ADAMTSL1: variants seen among roughly 807,000 people sequenced by gnomAD.
The protein encoded by ADAMTSL1 is ADAMTS-like protein 1.
A neutral mutation model predicts 201.8 loss-of-function variants in ADAMTSL1; 126 were observed. The ratio of observed to expected loss-of-function variants is 0.62; its 90% CI spans 0.54 to 0.72. The LOEUF (loss-of-function observed/expected upper bound fraction) is 0.72. ADAMTSL1 is among the 30% of genes least tolerant of loss of function. ADAMTSL1 has a pLI of 0.00. For synonymous variants in ADAMTSL1, 1,121 were observed against 903.4 expected, an observed-to-expected ratio of 1.24 and a Z score of -4.32; for missense variants, 2,679 against 2,277.8, an observed-to-expected ratio of 1.18 and a Z score of -3.59.
intron 1 of ADAMTSL1, among the ~76,000 whole-genome samples, chr9:18,475,540 T>G (rs1821405618): frequency 6.6e-6 from 1 of 152,210 alleles, no homozygotes; most frequent in Admixed American, 6.5e-5. Flanking sequence ...AGAAATAAAT[T>G]TTTAATTTTT....
chr9:18,139,509 A>C (rs1484852254), intron 1 of ADAMTSL1, among the ~76,000 whole-genome samples: 1 of 152,144 alleles, frequency 6.6e-6, no homozygotes, highest in Admixed American at 6.6e-5. Flanking sequence ...TCCTATTCTG[A>C]TAACCCCTGA....
chr9:18,786,622 A>G (rs1331019112), intron 19 of ADAMTSL1, among the ~76,000 whole-genome samples: 3 of 152,192 alleles, frequency 2.0e-5, no homozygotes, highest in Non-Finnish European at 4.4e-5. Context: ...TCATTTAGAC[A>G]TGGGGCCATT....
At chr9:18,845,285 A>G (rs1698456924) in intron 23 of ADAMTSL1, among the ~76,000 whole-genome samples, 2 of 152,238 alleles carry the variant, frequency 1.3e-5, no homozygotes. Context: ...GCCCCACAGA[A>G]AGCAAACAGC....
intron 1 of ADAMTSL1, among the ~76,000 whole-genome samples, chr9:18,035,870 C>T (rs553727933): frequency 2.5e-4 from 38 of 152,164 alleles, no homozygotes; most frequent in African/African-American, 9.2e-4. Context: ...ATAACTTACT[C>T]AAAAAATAAT....
At chr9:18,839,862 G>T (rs1309935468) in intron 23 of ADAMTSL1, among the ~76,000 whole-genome samples, 1 of 149,988 alleles carries the variant, frequency 6.7e-6, no homozygotes, top group Non-Finnish European at 1.5e-5. Flanking sequence ...CATGTCCTTC[G>T]CCCACTTTTG....
intron 2 of ADAMTSL1, among the ~76,000 whole-genome samples, chr9:18,261,390 C>A (rs1180977509): frequency 6.6e-6 from 1 of 152,130 alleles, no homozygotes; most frequent in African/African-American, 2.4e-5. Flanking sequence ...TAAATAATAA[C>A]ATTTCCATCT....
chr9:18,092,240 T>C (rs1010443633), intron 1 of ADAMTSL1, among the ~76,000 whole-genome samples: 4 of 152,084 alleles, frequency 2.6e-5, no homozygotes, highest in African/African-American at 7.2e-5. Context: ...AAGGCAATTG[T>C]AGCTCAACAT....
intron 16 of ADAMTSL1, among the ~76,000 whole-genome samples, chr9:18,756,037 T>C (rs1819725608): frequency 7.4e-6 from 1 of 135,636 alleles, no homozygotes; most frequent in African/African-American, 2.7e-5. Flanking sequence ...GTGCATAGGG[T>C]CTGTTTGTCT....
At chr9:18,812,453 A>G (rs902125393) in intron 20 of ADAMTSL1, among the ~76,000 whole-genome samples, 5 of 152,228 alleles carry the variant, frequency 3.3e-5, no homozygotes, top group African/African-American at 1.2e-4. Context: ...TATATCACAG[A>G]CTTAAAGGTA....
intron 1 of ADAMTSL1, among the ~76,000 whole-genome samples, chr9:17,931,234 A>G (rs372493761): frequency 1.3e-5 from 2 of 152,122 alleles, no homozygotes; most frequent in African/African-American, 4.8e-5. Flanking sequence ...TCCCGACTCC[A>G]CAGGATAGGA....
At chr9:18,299,357 G>A (rs1195301031) in intron 2 of ADAMTSL1, among the ~76,000 whole-genome samples, 2 of 152,142 alleles carry the variant, frequency 1.3e-5, no homozygotes, top group African/African-American at 2.4e-5. Flanking sequence ...TTATCACAAA[G>A]TATTTCATAT....
intron 14 of ADAMTSL1, chr9:18,718,196 C>A (rs1833083149): frequency 2.6e-6 from 2 of 780,402 alleles, no homozygotes; most frequent in Middle Eastern, 4.6e-4. Context: ...CAACAAGAAT[C>A]ATTGGAACAT....
At chr9:18,346,878 A>G (rs1350222823) in intron 2 of ADAMTSL1, among the ~76,000 whole-genome samples, 2 of 152,148 alleles carry the variant, frequency 1.3e-5, no homozygotes, top group South Asian at 2.1e-4. Flanking sequence ...CCAAAACAGG[A>G]GATGATCTGT....
At chr9:18,854,033 T>A (rs753823461) in intron 23 of ADAMTSL1, among the ~76,000 whole-genome samples, 1 of 152,174 alleles carries the variant, frequency 6.6e-6, no homozygotes, top group Admixed American at 6.5e-5. Flanking sequence ...CACCTTTTCA[T>A]GTGCCACATC....
At chr9:18,718,605 C>A in intron 14 of ADAMTSL1, 1 of 388,740 alleles carries the variant, frequency 2.6e-6, no homozygotes, top group East Asian at 6.7e-5. Context: ...CTCCGGGTTG[C>A]TACTCTCGGC....
intron 2 of ADAMTSL1, among the ~76,000 whole-genome samples, chr9:18,325,292 T>G (rs772088292): frequency 1.3e-5 from 2 of 152,226 alleles, no homozygotes; most frequent in Non-Finnish European, 2.9e-5. Flanking sequence ...ATGCACAAAG[T>G]GTTCATACCA....
At chr9:18,097,830 A>G (rs1824321330) in intron 1 of ADAMTSL1, among the ~76,000 whole-genome samples, 2 of 151,650 alleles carry the variant, frequency 1.3e-5, no homozygotes, top group Non-Finnish European at 2.9e-5. Flanking sequence ...TTTGTCAAAT[A>G]TATTTGTTCA....
intron 1 of ADAMTSL1, among the ~76,000 whole-genome samples, chr9:18,144,270 G>T (rs370543532): frequency 6.6e-6 from 1 of 151,618 alleles, no homozygotes; most frequent in Non-Finnish European, 1.5e-5. Flanking sequence ...GCAGTGGCGC[G>T]ATCTTGGCTT....
chr9:18,356,089 C>A (rs1340131057), intron 2 of ADAMTSL1, among the ~76,000 whole-genome samples: 1 of 152,180 alleles, frequency 6.6e-6, no homozygotes, highest in African/African-American at 2.4e-5. Context: ...TAAGAGTGAG[C>A]AAGGCGGGTA....
Sources: allele counts gnomAD v4.1 joint callset (sites outside exome capture counted in the v4.1 genomes callset), GRCh38; gene constraint gnomAD v4.1.1; transcripts MANE v1.5; gene names NCBI Gene and HGNC (gene_info 2026-07-23, HGNC 2026-07-21).